Variants in CDH20 observed in about 807,000 individuals in gnomAD.
CDH20 encodes the protein cadherin 20.
In CDH20, 29 loss-of-function variants were observed where a neutral mutation model predicts 74.2. The ratio of observed to expected loss-of-function variants is 0.39; its 90% CI spans 0.29 to 0.53. The LOEUF (loss-of-function observed/expected upper bound fraction) is 0.53. Among genes scored for constraint, CDH20 ranks in the 20% least tolerant of loss-of-function variants. The pLI is 0.69. For synonymous variants in CDH20, 469 were observed against 405.4 expected, an observed-to-expected ratio of 1.16 and a Z score of -1.88; for missense variants, 988 against 1,048.3, an observed-to-expected ratio of 0.94 and a Z score of 0.79.
At chr18:61,526,137 T>C (rs1912399555) in intron 6 of CDH20, among the ~76,000 whole-genome samples, 1 of 144,424 alleles carries the variant, frequency 6.9e-6, no homozygotes, top group Non-Finnish European at 1.5e-5. Context: ...TTTTTTTTTT[T>C]TTTTTTTTGA....
intron 1 of CDH20, among the ~76,000 whole-genome samples, chr18:61,411,852 A>T (rs1458945347): frequency 6.6e-6 from 1 of 152,030 alleles, no homozygotes; most frequent in Non-Finnish European, 1.5e-5. Context: ...GTGGAGAGGG[A>T]AGTTGTGGGA....
rs1348946964 is a variant in CDH20, at chr18:61,538,623, T to G, written c.1409-401T>G. On this transcript the variant is annotated intron_variant, in intron 8 of 11. Coordinates refer to ENST00000262717, the MANE Select transcript of CDH20 (RefSeq NM_031891.4). ...TTTTGTTTTTGTTTTTGTTTTTGTT[T>G]TGTTTTTTTTTTTGAGACGGAGTCT... 6.0e-3 allele frequency among the ~76,000 whole-genome samples: 529 copies of G among 87,948 alleles called. 75 individuals carry two copies. Among genetic ancestry groups the G allele is most frequent in the African/African-American group, 0.022 (497 of 22,506 alleles). The allele number at this position is 87,948 out of a possible 152,430, so 57.7% of individuals were successfully genotyped here.
intron 1 of CDH20, among the ~76,000 whole-genome samples, chr18:61,391,907 T>C (rs1911797543): frequency 1.3e-5 from 2 of 152,080 alleles, no homozygotes; most frequent in Admixed American, 1.3e-4. Flanking sequence ...CCCAATCCCC[T>C]TCCTCCATCT....
intron 1 of CDH20, among the ~76,000 whole-genome samples, chr18:61,358,022 C>T (rs1910552791): frequency 6.6e-6 from 1 of 152,070 alleles, no homozygotes; most frequent in Non-Finnish European, 1.5e-5. Context: ...CACAAATCGT[C>T]AATTCCTACA....
intron 1 of CDH20, among the ~76,000 whole-genome samples, chr18:61,357,406 C>T (rs548958505): frequency 3.3e-5 from 5 of 152,176 alleles, no homozygotes; most frequent in Admixed American, 2.6e-4. Flanking sequence ...GTTTTTTCCC[C>T]CCTCCTATAA....
chr18:61,554,773 C>G lies in CDH20; in HGVS notation c.*78C>G. On this transcript the variant is annotated 3_prime_UTR_variant, in exon 12 of 12. Coordinates refer to ENST00000262717, the MANE Select transcript of CDH20 (RefSeq NM_031891.4). ...TTCGCGGACAAGGTGCAGCCAACCA[C>G]ACGAGCAATACTGTGCTGGAGAGTG... The G allele has an allele frequency of 6.8e-7, 1 of 1,473,602 alleles. No homozygotes were observed. The highest frequency in any genetic ancestry group is 9.0e-7 in the Non-Finnish European group (1 of 1,111,944). The allele number at this position is 1,473,602 out of a possible 1,614,324, so 91.3% of individuals were successfully genotyped here.
At chr18:61,338,772 T>G (rs910399088) in intron 1 of CDH20, among the ~76,000 whole-genome samples, 4 of 152,174 alleles carry the variant, frequency 2.6e-5, no homozygotes, top group African/African-American at 9.7e-5. Context: ...TTTATAAGAA[T>G]GTTTAACAAT....
At chr18:61,513,113 T>A (rs1911845902) in intron 6 of CDH20, among the ~76,000 whole-genome samples, 1 of 149,868 alleles carries the variant, frequency 6.7e-6, no homozygotes, top group Admixed American at 6.6e-5. Context: ...TGTTAAAGTC[T>A]CCCATTATTA....
chr18:61,544,365 T>G (rs1033356707), intron 9 of CDH20, among the ~76,000 whole-genome samples: 2 of 152,218 alleles, frequency 1.3e-5, no homozygotes, highest in Admixed American at 6.5e-5. Context: ...ATTAGCTCAA[T>G]AGACCCTCTG....
intron 11 of CDH20, 146 bp from the exon 12 acceptor site, chr18:61,554,044 C>G: frequency 1.1e-6 from 1 of 883,230 alleles, no homozygotes; most frequent in Non-Finnish European, 1.7e-6. Flanking sequence ...TTAGAACTCC[C>G]CGAGGTTTCA....
intron 7 of CDH20, among the ~76,000 whole-genome samples, chr18:61,528,481 A>ACACACACACACACACACACC (rs755504850): frequency 7.6e-4 from 114 of 149,310 alleles, no homozygotes; most frequent in East Asian, 4.7e-3. Flanking sequence ...ACACACACAC[A>ACACACACACACACACACACC]CCCCTTAGTT....
intron 6 of CDH20, among the ~76,000 whole-genome samples, chr18:61,515,259 T>G (rs567382732): frequency 6.6e-6 from 1 of 152,120 alleles, no homozygotes; most frequent in African/African-American, 2.4e-5. Flanking sequence ...AGTGACCCGA[T>G]TTTCCAGGTG....
rs1030101412 is a variant in CDH20 at position 61,545,211 on chromosome 18, T to C, written c.1648+67T>C. The stretch of plus-strand genomic sequence containing the variant: ...ATAGGCCAGCTACTTTGGGTTACTG[T>C]CTTATGCAAACAGTGTCAAAGGCTA... On this transcript the variant is annotated intron_variant, in intron 10 of 11. Transcript: ENST00000262717. 2.0e-4 allele frequency: 194 copies of C among 969,086 alleles called. 1 individual carries two copies. The highest frequency in any genetic ancestry group is 1.4e-5 in the Non-Finnish European group (8 of 591,276). 60.0% of individuals were successfully genotyped at this position (969,086 alleles called of 1,614,324 possible).
intron 1 of CDH20, among the ~76,000 whole-genome samples, chr18:61,379,517 A>G (rs2144176356): frequency 6.6e-6 from 1 of 152,324 alleles, no homozygotes; most frequent in South Asian, 2.1e-4. Flanking sequence ...CTTACTAGAG[A>G]AAAGGAAAGT....
At chr18:61,334,202 G>C (rs866239646) in intron 1 of CDH20, 1 of 152,120 alleles carries the variant, frequency 6.6e-6, no homozygotes, top group Non-Finnish European at 1.5e-5. Flanking sequence ...CTTCACCCTC[G>C]CTGGCCCCGC....
At chr18:61,527,366 A>AACAGATAGATAGATAG (rs1555683338) in intron 6 of CDH20, among the ~76,000 whole-genome samples, 1 of 142,148 alleles carries the variant, frequency 7.0e-6, no homozygotes, top group African/African-American at 2.6e-5. Context: ...TGAATATTCT[A>AACAGATAGATAGATAG]ATAGATAGAT....
intron 7 of CDH20, among the ~76,000 whole-genome samples, chr18:61,533,351 C>T (rs1912714313): frequency 1.3e-5 from 2 of 152,046 alleles, no homozygotes; most frequent in South Asian, 4.1e-4. Context: ...CCTCAGTTTC[C>T]TTATCTGTTG....
At chr18:61,538,602 G>GTTTTTTTTTT (rs1227502362) in intron 8 of CDH20, among the ~76,000 whole-genome samples, 5 of 50,446 alleles carry the variant, frequency 9.9e-5, no homozygotes, top group South Asian at 8.1e-4. Context: ...GTTTGTTTTT[G>GTTTTTTTTTT]TTTTTGTTTT....
chr18:61,454,980 G>A (rs1909523554), intron 1 of CDH20, among the ~76,000 whole-genome samples: 1 of 152,184 alleles, frequency 6.6e-6, no homozygotes, highest in South Asian at 2.1e-4. Flanking sequence ...TGACTACAGG[G>A]AAGCCATTTA....
Sources: gnomAD v4.1 joint callset for allele counts (sites outside exome capture counted in the v4.1 genomes callset) on GRCh38, gnomAD v4.1.1 for gene constraint, MANE v1.5 for transcripts, NCBI Gene and HGNC (gene_info 2026-07-23, HGNC 2026-07-21) for gene names.